The following ATRN variants were observed in gnomAD, a reference collection of about 807,000 sequenced individuals.
The protein encoded by ATRN is attractin-2.
In ATRN, 54 loss-of-function variants were observed where a neutral mutation model predicts 178.7. The ratio of observed to expected loss-of-function variants is 0.30; its 90% CI spans 0.24 to 0.38. The LOEUF (loss-of-function observed/expected upper bound fraction) is 0.38. Ranked by LOEUF, ATRN falls within the 10% of genes least tolerant of loss-of-function variation. The pLI is 1.00. For missense variants in ATRN, 1,443 were observed against 1,815.1 expected (o/e 0.79, Z 3.73); for synonymous variants, 636 against 663.0 (o/e 0.96, Z 0.63).
intron 12 of ATRN, among the ~76,000 whole-genome samples, chr20:3,574,980 CAG>C (rs1417291566): frequency 6.8e-6 from 1 of 146,798 alleles, no homozygotes; most frequent in African/African-American, 2.5e-5. Flanking sequence ...TTTTTTCAGA[CAG>C]AGTCTCACTC....
chr20:3,560,815 A>G lies in ATRN; in HGVS notation c.1357A>G (p.Thr453Ala). 1.2e-6 allele frequency: 2 copies of G among 1,614,164 alleles called. No homozygotes were observed. The highest frequency in any genetic ancestry group is 1.7e-5 in the Admixed American group (1 of 60,018). Reference sequence around the variant, plus strand: ...GGTTGGGCACTCTGCACACATTGTTACACTGAAGAATGGCCGAGTGGTCAT... The same window carrying G: ...GGTTGGGCACTCTGCACACATTGTTGCACTGAAGAATGGCCGAGTGGTCAT... ...AVVGHSAHIV[T>A]LKNGRVVMLV... Residue 453 changes from threonine (T) to alanine (A), a missense_variant, in exon 8 of 29, where the codon ACA (threonine) becomes GCA (alanine). Physicochemically the swap from Thr to Ala is moderately conservative, Grantham distance 58. Coordinates refer to ENST00000262919, the MANE Select transcript of ATRN (RefSeq NM_139321.3).
At chr20:3,583,519 A>G (rs184828168) in intron 16 of ATRN, among the ~76,000 whole-genome samples, 7 of 152,328 alleles carry the variant, frequency 4.6e-5, no homozygotes, top group Non-Finnish European at 8.8e-5. Flanking sequence ...CCACATTTGA[A>G]AAGTCTTGGC....
At chr20:3,634,284 A>G (rs1568775906) in intron 25 of ATRN, 27 bp from the exon 26 acceptor site, 1 of 1,604,898 alleles carries the variant, frequency 6.2e-7, no homozygotes, top group African/African-American at 1.3e-5. Context: ...GGCTGGGATA[A>G]TAACTCAGTA....
chr20:3,608,381 G>C (rs927362029), intron 24 of ATRN, among the ~76,000 whole-genome samples: 8 of 152,118 alleles, frequency 5.3e-5, no homozygotes, highest in African/African-American at 1.9e-4. Flanking sequence ...TTTGATTTTT[G>C]TATGTGGTGA....
At chr20:3,531,156 CT>C (rs1056705966) in intron 1 of ATRN, among the ~76,000 whole-genome samples, 2 of 152,208 alleles carry the variant, frequency 1.3e-5, no homozygotes, top group African/African-American at 2.4e-5. Flanking sequence ...TTTCAAATTC[CT>C]TTAAACTTTT....
intron 25 of ATRN, among the ~76,000 whole-genome samples, chr20:3,631,980 C>T (rs973108999): frequency 1.3e-5 from 2 of 152,166 alleles, no homozygotes; most frequent in African/African-American, 4.8e-5. Flanking sequence ...TCTCATCTAT[C>T]TGTATTCACT....
At chr20:3,497,214 C>T (rs2146100341) in intron 1 of ATRN, among the ~76,000 whole-genome samples, 1 of 148,248 alleles carries the variant, frequency 6.7e-6, no homozygotes, top group African/African-American at 2.5e-5. Context: ...ATGATGTTAG[C>T]TGGTTATTTT....
At chr20:3,489,972 C>T in intron 1 of ATRN, 8 of 1,003,300 alleles carry the variant, frequency 8.0e-6, no homozygotes, top group Non-Finnish European at 1.1e-5. Flanking sequence ...TTCTCCTGTC[C>T]TTGCTTGCTT....
intron 1 of ATRN, among the ~76,000 whole-genome samples, chr20:3,512,457 A>G (rs554942168): frequency 1.1e-3 from 169 of 152,242 alleles, no homozygotes; most frequent in African/African-American, 3.9e-3. Context: ...TTATGGCTGC[A>G]TAGTATTCCA....
At position 3,638,830 on chromosome 20, in the gene ATRN, A is replaced by G. The variant is rs765669289; in HGVS notation, c.3945A>G (p.Gln1315=). The change falls in exon 27 of 29, where the codon CAA becomes CAG. Residue 1315 remains glutamine (Q), a splice_region_variant and synonymous_variant. Transcript: ENST00000262919. This position sits in a 1 kb window ranked among gnomAD's most constrained non-coding sequence, Gnocchi z 4.5. ...QSCWASRRRE[Q]LLREMQQMAS... is the part of the protein sequence containing the mutation. ...GGCTTTGCCATATTATTTATCAGCA[A>G]CTTCTTCGAGAGATGCAACAGATGG... 2.5e-6 allele frequency: 4 copies of G among 1,614,080 alleles called. No homozygotes were observed. The highest frequency in any genetic ancestry group is 1.6e-4 in the Middle Eastern group (1 of 6,062).
At chr20:3,478,541 AG>A (rs1421514484) in intron 1 of ATRN, among the ~76,000 whole-genome samples, 36 of 152,072 alleles carry the variant, frequency 2.4e-4, no homozygotes, top group African/African-American at 8.7e-4. Context: ...TTCGGTGGGT[AG>A]GGGGATAGGG....
intron 25 of ATRN, chr20:3,628,798 C>T (rs1182078276): frequency 1.8e-5 from 14 of 760,462 alleles, no homozygotes; most frequent in Non-Finnish European, 2.1e-5. Context: ...ATGAGCGAGA[C>T]TCTTCCAGCC....
chr20:3,633,007 G>T (rs1249144610), intron 25 of ATRN, among the ~76,000 whole-genome samples: 1 of 152,176 alleles, frequency 6.6e-6, no homozygotes, highest in Non-Finnish European at 1.5e-5. Context: ...GCGCACACCT[G>T]TAGTCCAAGC....
intron 1 of ATRN, among the ~76,000 whole-genome samples, chr20:3,514,157 C>A (rs2085175174): frequency 6.6e-6 from 1 of 152,112 alleles, no homozygotes. Flanking sequence ...CTTGGAACCA[C>A]CCTCAGGAGG....
intron 2 of ATRN, among the ~76,000 whole-genome samples, chr20:3,536,261 T>A (rs1176521499): frequency 6.6e-6 from 1 of 152,132 alleles, no homozygotes; most frequent in African/African-American, 2.4e-5. Flanking sequence ...CAGGCTGGAG[T>A]GCAGTGGTGT....
chr20:3,489,606 C>T (rs1600017828), intron 1 of ATRN: 3 of 1,468,650 alleles, frequency 2.0e-6, no homozygotes, highest in Admixed American at 1.7e-5. Context: ...TCATATTCTT[C>T]CTCCAGTGTC....
At chr20:3,498,491 A>C (rs1486825268) in intron 1 of ATRN, among the ~76,000 whole-genome samples, 1 of 151,924 alleles carries the variant, frequency 6.6e-6, no homozygotes, top group Non-Finnish European at 1.5e-5. Context: ...ACCATGATCA[A>C]GTGGGCTTCA....
intron 24 of ATRN, among the ~76,000 whole-genome samples, chr20:3,616,644 A>G (rs1388513503): frequency 6.6e-6 from 1 of 151,950 alleles, no homozygotes; most frequent in Non-Finnish European, 1.5e-5. Context: ...CAGGCTGTGA[A>G]CTTGAGTCCT....
chr20:3,599,750 C>T (rs1288784739), intron 22 of ATRN, among the ~76,000 whole-genome samples: 1 of 152,176 alleles, frequency 6.6e-6, no homozygotes, highest in Admixed American at 6.5e-5. Context: ...ACCGATGACC[C>T]ACGTATACCA....
Sources: gnomAD v4.1 joint callset for allele counts (sites outside exome capture counted in the v4.1 genomes callset) on GRCh38, gnomAD v4.1.1 for gene constraint, Gnocchi (gnomAD v3.1) non-coding constraint, MANE v1.5 for transcripts, NCBI Gene and HGNC (gene_info 2026-07-23, HGNC 2026-07-21) for gene names.